ZMYM4: variants seen among roughly 807,000 people sequenced by gnomAD.
The protein encoded by ZMYM4 is zinc finger MYM-type protein 4.
A neutral mutation model predicts 183.2 loss-of-function variants in ZMYM4; 31 were observed. The observed-to-expected ratio is 0.17, with a 90% CI of 0.13 to 0.23. The LOEUF (loss-of-function observed/expected upper bound fraction) is 0.23. Ranked by LOEUF, ZMYM4 falls within the 10% of genes least tolerant of loss-of-function variation. ZMYM4 has a pLI of 1.00. For synonymous variants in ZMYM4, 592 were observed against 631.2 expected, an observed-to-expected ratio of 0.94 and a Z score of 0.93; for missense variants, 1,273 against 1,840.3, an observed-to-expected ratio of 0.69 and a Z score of 5.64.
chr1:35,327,832 A>G (rs1434017396), intron 2 of ZMYM4, among the ~76,000 whole-genome samples: 1 of 152,320 alleles, frequency 6.6e-6, no homozygotes, highest in East Asian at 1.9e-4. Context: ...TATCCATTCT[A>G]AATTTCAAGT....
At chr1:35,413,245 G>C (rs1220815127) in intron 26 of ZMYM4, among the ~76,000 whole-genome samples, 1 of 152,086 alleles carries the variant, frequency 6.6e-6, no homozygotes, top group Non-Finnish European at 1.5e-5. Context: ...GGGTCTCACT[G>C]TGTTGCCCAG....
intron 7 of ZMYM4, among the ~76,000 whole-genome samples, chr1:35,375,359 A>C (rs1264254271): frequency 6.6e-6 from 1 of 152,216 alleles, no homozygotes; most frequent in African/African-American, 2.4e-5. Context: ...TGATTGTAAA[A>C]TTGATGAGTT....
At chr1:35,343,301 T>A (rs531923074) in intron 2 of ZMYM4, among the ~76,000 whole-genome samples, 1 of 152,210 alleles carries the variant, frequency 6.6e-6, no homozygotes, top group Non-Finnish European at 1.5e-5. Flanking sequence ...AGAAACCTTA[T>A]AGTTTAGGCT....
chr1:35,285,060 A>T (rs1927650), intron 1 of ZMYM4, among the ~76,000 whole-genome samples: 9,568 of 152,084 alleles, frequency 0.063, 916 homozygotes, highest in East Asian at 0.44. Flanking sequence ...TTGTGTCAGT[A>T]CTACACTGTT....
At chr1:35,296,152 G>C (rs769497464) in intron 1 of ZMYM4, among the ~76,000 whole-genome samples, 1 of 152,146 alleles carries the variant, frequency 6.6e-6, no homozygotes, top group Non-Finnish European at 1.5e-5. Flanking sequence ...ACTTTTCAAA[G>C]ATGAGTGTTC....
At chr1:35,379,770 C>T (rs1176667513) in intron 7 of ZMYM4, among the ~76,000 whole-genome samples, 1 of 152,168 alleles carries the variant, frequency 6.6e-6, no homozygotes, top group African/African-American at 2.4e-5. Flanking sequence ...CATTGGCCTG[C>T]TTTCGATATT....
chr1:35,327,129 G>A (rs1160549557), intron 2 of ZMYM4, among the ~76,000 whole-genome samples: 1 of 152,174 alleles, frequency 6.6e-6, no homozygotes, highest in Non-Finnish European at 1.5e-5. Flanking sequence ...CCAAAGTCCT[G>A]GGATTACAGG....
chr1:35,344,087 T>C (rs2148866981), intron 2 of ZMYM4, among the ~76,000 whole-genome samples: 1 of 151,064 alleles, frequency 6.6e-6, no homozygotes, highest in South Asian at 2.1e-4. Flanking sequence ...ACATTCTTGC[T>C]CTGTTGCCCA....
At chr1:35,382,509 C>G (rs1449616466) in intron 9 of ZMYM4, among the ~76,000 whole-genome samples, 1 of 146,578 alleles carries the variant, frequency 6.8e-6, no homozygotes, top group Non-Finnish European at 1.5e-5. Flanking sequence ...GGAGTGTGAT[C>G]CCGGCTCACT....
Position 35,269,071 on chromosome 1 carries a change from G to A in ZMYM4, c.25G>A (p.Gly9Ser), listed in dbSNP as rs759487545. Residue 9 changes from glycine (G) to serine (S), a missense_variant, in exon 1 of 30, where the codon GGC becomes AGC. Gly to Ser is a moderately conservative substitution (Grantham distance 56). This residue lies in a region of ZMYM4 where 384 missense variants were observed against 465.6 expected (regional missense o/e 0.82). Transcript: ENST00000314607. MAEREVES[G>S]PRKRFEQKSG... ...CATGGCGGAGAGAGAGGTGGAGTCC[G>A]GCCCCCGAAAGAGGGTAGGTGAGGT... 58 of 1,549,336 alleles carry A rather than the reference G, an allele frequency of 3.7e-5. No individual in the cohort carries two copies. Among genetic ancestry groups the A allele is most frequent in the Non-Finnish European group, 4.8e-5 (55 of 1,146,744 alleles).
At position 35,381,549 on chromosome 1, in the gene ZMYM4, C is replaced by G; in HGVS notation, c.1360C>G (p.Arg454Gly). 6.2e-7 allele frequency: 1 copy of G among 1,614,028 alleles called. No homozygotes were observed. Among genetic ancestry groups the G allele is most frequent in the Non-Finnish European group, 8.5e-7 (1 of 1,179,976 alleles). Residue 454 changes from arginine to glycine, a missense_variant, in exon 9 of 30, where the codon CGA becomes GGA. By Grantham distance (125) the Arg-to-Gly change is moderately radical (BLOSUM62 -2). Around this residue, in one of 6 missense-constraint regions of ZMYM4, gnomAD observed 319 missense variants for 518.1 expected, o/e 0.62. Transcript: ENST00000314607. Reference sequence around the variant, plus strand: ...GTTGCTGTTATTTAATTTCTAGATTCGACATGAAGTTAATTACCAGAATGT... The same window carrying G: ...GTTGCTGTTATTTAATTTCTAGATTGGACATGAAGTTAATTACCAGAATGT... ...CSMCQKNAVI[R>G]HEVNYQNVVH...
chr1:35,417,322 A>G (rs1640158793), intron 28 of ZMYM4, among the ~76,000 whole-genome samples: 1 of 152,114 alleles, frequency 6.6e-6, no homozygotes, highest in Admixed American at 6.6e-5. Context: ...AAAGTGGGAA[A>G]GAAATAGCCC....
intron 1 of ZMYM4, among the ~76,000 whole-genome samples, chr1:35,282,998 T>C (rs1040248940): frequency 9.0e-6 from 1 of 111,066 alleles, no homozygotes; most frequent in East Asian, 2.3e-4. Flanking sequence ...TTTTTTTTTT[T>C]TTTTTTTTTT....
intron 15 of ZMYM4, among the ~76,000 whole-genome samples, chr1:35,391,845 A>G (rs550530798): frequency 7.9e-5 from 12 of 151,338 alleles, no homozygotes; most frequent in African/African-American, 2.9e-4. Context: ...GTTTGAGACC[A>G]TCCTGGCCAA....
chr1:35,315,602 G>A (rs1044494110), intron 1 of ZMYM4, among the ~76,000 whole-genome samples: 3 of 152,120 alleles, frequency 2.0e-5, no homozygotes, highest in Admixed American at 6.6e-5. Flanking sequence ...GAATAAAAAT[G>A]CGAAAAGAAG....
Position 35,361,924 on chromosome 1 carries a change from T to A in ZMYM4, c.840+135T>A. 2.5e-6 allele frequency: 3 copies of A among 1,178,738 alleles called. No homozygotes were observed. The South Asian group carries it at 5.1e-5, about 20-fold the overall frequency. 73.0% of individuals were successfully genotyped at this position (1,178,738 alleles called of 1,614,324 possible). On this transcript the variant is annotated intron_variant, in intron 5 of 29. Transcript: ENST00000314607. Reference sequence around the variant, plus strand: ...AAACTCTTAAAGAAGGTTGAGGCGATTTGAATTACCATATAAGGCATTAAC... The same window carrying A: ...AAACTCTTAAAGAAGGTTGAGGCGAATTGAATTACCATATAAGGCATTAAC...
Position 35,389,906 on chromosome 1 carries a change from G to T in ZMYM4, c.2437-42G>T, listed in dbSNP as rs759379429. 3.2e-6 allele frequency: 5 copies of T among 1,574,376 alleles called. No homozygotes were observed. In the Admixed American group the frequency reaches 9.1e-5, roughly 29 times the overall value. ...CTTATTTTTATTTTGTCAGACCACA[G>T]ATAATTTGTTTCTTACTCCTTGACT... On this transcript the variant is annotated intron_variant, in intron 14 of 29. Transcript: ENST00000314607. This position sits in a 1 kb window ranked among gnomAD's most constrained non-coding sequence, Gnocchi z 4.0.
intron 12 of ZMYM4, 60 bp downstream of exon 12, chr1:35,387,338 A>G: frequency 6.3e-7 from 1 of 1,585,288 alleles, no homozygotes; most frequent in South Asian, 1.1e-5. Context: ...TTGTAAAATT[A>G]TTTTTAACTT....
chr1:35,417,074 G>A (rs1190619485), intron 28 of ZMYM4, among the ~76,000 whole-genome samples: 1 of 152,084 alleles, frequency 6.6e-6, no homozygotes, highest in Non-Finnish European at 1.5e-5. Context: ...TATACCGGTT[G>A]TTAAGAGCAG....
Sources: allele counts gnomAD v4.1 joint callset (sites outside exome capture counted in the v4.1 genomes callset), GRCh38; gene constraint gnomAD v4.1.1; regional missense constraint gnomAD v4.1.1; non-coding constraint Gnocchi (gnomAD v3.1); transcripts MANE v1.5; gene names NCBI Gene and HGNC (gene_info 2026-07-23, HGNC 2026-07-21).